SNRNP200: variants seen among roughly 807,000 people sequenced by gnomAD.
The protein encoded by SNRNP200 is U5 small nuclear ribonucleoprotein 200 kDa helicase.
In SNRNP200, 66 loss-of-function variants were observed where a neutral mutation model predicts 255.2. That is an observed-to-expected ratio of 0.26 (90% CI 0.21 to 0.32). The LOEUF (loss-of-function observed/expected upper bound fraction) is 0.32, where lower values mean the gene tolerates loss of function less well. Among genes scored for constraint, SNRNP200 ranks in the 10% least tolerant of loss-of-function variants. The probability of loss-of-function intolerance (pLI) is 1.00; values close to 1 mark genes in which losing one functional copy is unlikely to be tolerated. For synonymous variants in SNRNP200, 939 were observed against 1,027.8 expected (o/e 0.91, Z 1.65); for missense variants, 1,585 against 2,749.8 (o/e 0.58, Z 9.47).
chr2:96,285,028 G>A (rs1204255403), intron 30 of SNRNP200, 152 bp downstream of exon 30: 1 of 896,212 alleles, frequency 1.1e-6, no homozygotes, highest in South Asian at 1.4e-5. Context: ...GGGATTACAG[G>A]CGTGAGCCAC....
chr2:96,292,924 A>G (rs2063892586), intron 16 of SNRNP200, 48 bp downstream of exon 16: 1 of 1,606,388 alleles, frequency 6.2e-7, no homozygotes, highest in Non-Finnish European at 8.5e-7. Context: ...GGTGAATCAA[A>G]CATTCGAAAG....
At chr2:96,282,025 G>A in intron 34 of SNRNP200, 103 bp from the exon 35 acceptor site, 2 of 832,904 alleles carry the variant, frequency 2.4e-6, no homozygotes, top group South Asian at 2.8e-5. Context: ...CTATGTTTCA[G>A]AACTCACAGC....
chr2:96,289,022 AG>A lies in SNRNP200; in HGVS notation c.3174+14del, dbSNP rs1558767436. On this transcript the variant is annotated intron_variant, in intron 23 of 44. Transcript: ENST00000323853. The stretch of plus-strand genomic sequence containing the variant: ...AATCCTCATCCTTATCAAAGCAAAG[AG>A]GAGAGGAGCTCACCTTAGCACTGGG... 6.3e-7 allele frequency: 1 copy of A among 1,598,316 alleles called. No homozygotes were observed. The highest frequency in any genetic ancestry group is 8.6e-7 in the Non-Finnish European group (1 of 1,169,436).
chr2:96,283,085 G>T lies in SNRNP200; in HGVS notation c.4915+116C>A. ...AGTTAACAGCCAAGAGTCCTAAACAGTATTTTGAAAATCTCTGGTATGCTG... is the reference window on the plus strand; with the variant it reads ...AGTTAACAGCCAAGAGTCCTAAACATTATTTTGAAAATCTCTGGTATGCTG... On this transcript the variant is annotated intron_variant, in intron 34 of 44. Coordinates refer to ENST00000323853, the MANE Select transcript of SNRNP200 (RefSeq NM_014014.5). The surrounding 1 kb of genome is among the most constrained non-coding windows in gnomAD (Gnocchi z 4.7). 7.4e-7 allele frequency: 1 copy of T among 1,351,496 alleles called. No homozygotes were observed. Among genetic ancestry groups the T allele is most frequent in the Non-Finnish European group, 1.0e-6 (1 of 954,308 alleles). The allele number at this position is 1,351,496 out of a possible 1,614,324, so 83.7% of individuals were successfully genotyped here. A position where few individuals can be genotyped will look rare whatever the true frequency, so the allele number is the denominator to read the frequency against.
At position 96,289,377 on chromosome 2, in the gene SNRNP200, C is replaced by G. The variant is rs1331083497; in HGVS notation, c.2943G>C (p.Val981=). The G allele has an allele frequency of 6.2e-7, 1 of 1,613,826 alleles. No individual in the cohort carries two copies. Among genetic ancestry groups the G allele is most frequent in the African/African-American group, 1.3e-5 (1 of 74,918 alleles). The part of the protein sequence containing the change: ...KYDKKTGNFQ[V]TELGRIASHY... ...GGCTGGCTATACGGCCCAGTTCTGT[C>G]ACCTGGAGAGAAGGTAGACTCAATC... Residue 981 remains valine (V), a splice_region_variant and synonymous_variant, in exon 22 of 45, where the codon GTG becomes GTC. Transcript: ENST00000323853.
chr2:96,296,111 C>T (rs1029315367), intron 13 of SNRNP200, among the ~76,000 whole-genome samples: 44 of 152,052 alleles, frequency 2.9e-4, no homozygotes, highest in Non-Finnish European at 2.1e-4. Context: ...CCAGCTTGGG[C>T]GACAGCGAGA....
At chr2:96,285,034 G>A (rs938625513) in intron 30 of SNRNP200, 146 bp downstream of exon 30, 29 of 954,824 alleles carry the variant, frequency 3.0e-5, no homozygotes, top group Non-Finnish European at 4.8e-5. Context: ...ACAGGCGTGA[G>A]CCACCACGCT....
At chr2:96,284,766 T>G (rs1403547193) in intron 30 of SNRNP200, 181 bp from the exon 31 acceptor site, 1 of 611,880 alleles carries the variant, frequency 1.6e-6, no homozygotes, top group Non-Finnish European at 2.9e-6. Context: ...TTTTTTCTTT[T>G]GAGATGAAGT....
chr2:96,290,215 G>A lies in SNRNP200; in HGVS notation c.2742+111C>T, dbSNP rs1261161137. On this transcript the variant is annotated intron_variant, in intron 20 of 44. Transcript: ENST00000323853. The surrounding 1 kb of genome is among the most constrained non-coding windows in gnomAD (Gnocchi z 4.5). Reference sequence around the variant, plus strand: ...GCCAGACCCAAGATGTGGGTGCAGGGATGGAAGGCCTCGGACGCTGCTGGC... The same window carrying A: ...GCCAGACCCAAGATGTGGGTGCAGGAATGGAAGGCCTCGGACGCTGCTGGC... 8.2e-7 allele frequency: 1 copy of A among 1,225,858 alleles called. No homozygotes were observed. Among genetic ancestry groups the A allele is most frequent in the Non-Finnish European group, 1.2e-6 (1 of 828,068 alleles). The allele number at this position is 1,225,858 out of a possible 1,614,324, so 75.9% of individuals were successfully genotyped here. A position where few individuals can be genotyped will look rare whatever the true frequency, so the allele number is the denominator to read the frequency against.
rs1465340859 is a variant in SNRNP200, at chr2:96,283,963, G to A, written c.4434C>T (p.Ser1478=). ...TGCGAATGGGCCGCTCAATCTGGGAGGAGATGTAGCGCATTCGGGAGCAGA... is the reference window on the plus strand; with the variant it reads ...TGCGAATGGGCCGCTCAATCTGGGAAGAGATGTAGCGCATTCGGGAGCAGA... ...EVICSRMRYI[S]SQIERPIRIV... Residue 1478 remains serine (S), a synonymous_variant, in exon 32 of 45, where the codon TCC becomes TCT. Coordinates refer to ENST00000323853, the MANE Select transcript of SNRNP200 (RefSeq NM_014014.5). This position sits in a 1 kb window ranked among gnomAD's most constrained non-coding sequence, Gnocchi z 4.7. 5.0e-6 allele frequency: 8 copies of A among 1,600,468 alleles called. No individual in the cohort carries two copies. Among genetic ancestry groups the A allele is most frequent in the Non-Finnish European group, 6.0e-6 (7 of 1,173,652 alleles).
Position 96,304,825 on chromosome 2 carries a change from C to T in SNRNP200, c.89G>A (p.Arg30Gln). ...TCCTGTGGGTTCATCCCGGCGGGTC[C>T]GGTCAATGAGAGAACGGTCAGCTTG... is the stretch of plus-strand genomic sequence containing the variant. ...VLQADRSLIDRTRRDEPTGEV... is the reference protein window; with the variant it reads ...VLQADRSLIDQTRRDEPTGEV... The change falls in exon 2 of 45, where the codon CGG (arginine) becomes CAG (glutamine). Residue 30 changes from arginine (R) to glutamine (Q), a missense_variant. Transcript: ENST00000323853. The T allele has an allele frequency of 6.2e-7, 1 of 1,614,088 alleles. No individual in the cohort carries two copies. The highest frequency in any genetic ancestry group is 8.5e-7 in the Non-Finnish European group (1 of 1,180,030).
At chr2:96,279,161 A>G (rs62153038) in intron 36 of SNRNP200, 163 bp from the exon 37 acceptor site, 16,900 of 691,018 alleles carry the variant, frequency 0.024, 269 homozygotes, top group Non-Finnish European at 0.033. Flanking sequence ...GACAATACGC[A>G]GTGGGAACAG....
chr2:96,300,529 C>A (rs1010432842), intron 5 of SNRNP200, among the ~76,000 whole-genome samples: 1 of 152,016 alleles, frequency 6.6e-6, no homozygotes, highest in Non-Finnish European at 1.5e-5. Flanking sequence ...GGGAGGCCGA[C>A]GGGGGGCGGA....
Position 96,283,810 on chromosome 2 carries a change from T to C in SNRNP200, c.4584+3A>G. The C allele has an allele frequency of 6.2e-7, 1 of 1,612,940 alleles. No homozygotes were observed. The stretch of plus-strand genomic sequence containing the variant: ...ACAGACGGATGAGGAGAGTGGGTCC[T>C]ACCTGGATGTGCAGCTCCAAGGGGA... On this transcript the variant is annotated splice_donor_region_variant and intron_variant, in intron 32 of 44. Coordinates refer to ENST00000323853, the MANE Select transcript of SNRNP200 (RefSeq NM_014014.5). This position sits in a 1 kb window ranked among gnomAD's most constrained non-coding sequence, Gnocchi z 4.7.
chr2:96,298,788 A>G (rs776063707), intron 7 of SNRNP200, 27 bp downstream of exon 7: 1 of 1,614,158 alleles, frequency 6.2e-7, no homozygotes. Flanking sequence ...TACACTAAAT[A>G]TACAACTATT....
chr2:96,302,422 C>T (rs180762054), intron 3 of SNRNP200, among the ~76,000 whole-genome samples: 21 of 152,332 alleles, frequency 1.4e-4, no homozygotes, highest in Middle Eastern at 3.4e-3. Flanking sequence ...CTGGCCACCT[C>T]ACTCTGAGAA....
Position 96,286,750 on chromosome 2 carries a change from A to G in SNRNP200, c.3767T>C (p.Val1256Ala). 1 of 1,614,204 alleles carries G rather than the reference A, an allele frequency of 6.2e-7. No homozygotes were observed. Among genetic ancestry groups the G allele is most frequent in the Non-Finnish European group, 8.5e-7 (1 of 1,180,042 alleles). The change falls in exon 28 of 45, where the codon GTG (valine) becomes GCG (alanine). Residue 1256 changes from valine (V) to alanine (A), a missense_variant. By Grantham distance (64) the Val-to-Ala change is moderately conservative. Around this residue, in one of 9 missense-constraint regions of SNRNP200, gnomAD observed 719 missense variants for 1,091.1 expected, o/e 0.66. Transcript: ENST00000323853. The surrounding 1 kb of genome is among the most constrained non-coding windows in gnomAD (Gnocchi z 4.8). Reference sequence around the variant, plus strand: ...AGGGGGCAGCGGTTCAAAGACAGGCACGAAGAATGTAATGAGGTGCTCGTC... The same window carrying G: ...AGGGGGCAGCGGTTCAAAGACAGGCGCGAAGAATGTAATGAGGTGCTCGTC... ...AQDEHLITFFVPVFEPLPPQY... is the reference protein window; with the variant it reads ...AQDEHLITFFAPVFEPLPPQY...
chr2:96,305,363 C>T (rs2063981253), intron 1 of SNRNP200, 30 bp downstream of exon 1: 2 of 1,614,016 alleles, frequency 1.2e-6, no homozygotes, highest in African/African-American at 1.3e-5. Context: ...GACTCCTGAG[C>T]CTGGAATCCT....
At chr2:96,305,089 T>A (rs185383028) in intron 1 of SNRNP200, among the ~76,000 whole-genome samples, 3 of 152,312 alleles carry the variant, frequency 2.0e-5, no homozygotes, top group Admixed American at 6.5e-5. Context: ...ACAATTCTTG[T>A]TCCTAACAGC....
Sources: gnomAD v4.1 joint callset for allele counts (sites outside exome capture counted in the v4.1 genomes callset) on GRCh38, gnomAD v4.1.1 for gene constraint, gnomAD v4.1.1 regional missense constraint, Gnocchi (gnomAD v3.1) non-coding constraint, MANE v1.5 for transcripts, NCBI Gene and HGNC (gene_info 2026-07-23, HGNC 2026-07-21) for gene names.